SLC7A1: variants seen among roughly 807,000 people sequenced by gnomAD.
The protein encoded by SLC7A1 is high affinity cationic amino acid transporter 1.
In SLC7A1, 10 loss-of-function variants were observed where a neutral mutation model predicts 53.9. The ratio of observed to expected loss-of-function variants is 0.19; its 90% CI spans 0.11 to 0.31. The LOEUF (loss-of-function observed/expected upper bound fraction) is 0.31. Ranked by LOEUF, SLC7A1 falls within the 10% of genes least tolerant of loss-of-function variation. The pLI is 1.00. For synonymous variants in SLC7A1, 342 were observed against 338.7 expected (o/e 1.01, Z -0.11); for missense variants, 525 against 827.2 (o/e 0.63, Z 4.48).
chr13:29,546,577 T>G (rs1162101235), intron 2 of SLC7A1, among the ~76,000 whole-genome samples: 1 of 152,158 alleles, frequency 6.6e-6, no homozygotes, highest in African/African-American at 2.4e-5. Context: ...TCCCACTCAC[T>G]CATTTATTCA....
intron 9 of SLC7A1, among the ~76,000 whole-genome samples, chr13:29,518,545 C>A (rs1868465888): frequency 6.6e-6 from 1 of 152,166 alleles, no homozygotes; most frequent in East Asian, 1.9e-4. Flanking sequence ...CTTGTGCAAC[C>A]CCACTCGGTC....
chr13:29,526,440 C>T (rs1868896367), intron 5 of SLC7A1, among the ~76,000 whole-genome samples: 1 of 152,130 alleles, frequency 6.6e-6, no homozygotes, highest in South Asian at 2.1e-4. Context: ...CCACTGCACC[C>T]CAGCCTGCGC....
intron 5 of SLC7A1, among the ~76,000 whole-genome samples, chr13:29,525,293 TC>T (rs1397631867): frequency 6.6e-6 from 1 of 152,218 alleles, no homozygotes; most frequent in Non-Finnish European, 1.5e-5. Context: ...CCGCAGGCTT[TC>T]TGTCCTGTGC....
intron 12 of SLC7A1, 64 bp from the exon 13 acceptor site, chr13:29,514,647 C>CA: frequency 7.7e-7 from 1 of 1,301,194 alleles, no homozygotes; most frequent in Non-Finnish European, 1.1e-6. Flanking sequence ...AGGCAGGGCT[C>CA]AGAGCCCAGG....
intron 2 of SLC7A1, among the ~76,000 whole-genome samples, chr13:29,552,742 C>T (rs1475854633): frequency 2.6e-5 from 4 of 152,152 alleles, no homozygotes; most frequent in Non-Finnish European, 5.9e-5. Flanking sequence ...AGAAATAATG[C>T]TTATCACTGG....
chr13:29,529,237 G>A lies in SLC7A1; in HGVS notation c.704+1301C>T, dbSNP rs183399432. 5.3e-5 allele frequency among the ~76,000 whole-genome samples: 8 copies of A among 152,292 alleles called. No homozygotes were observed. The East Asian group carries it at 1.4e-3, about 26-fold the overall frequency. On this transcript the variant is annotated intron_variant, in intron 5 of 12. Coordinates refer to ENST00000380752, the MANE Select transcript of SLC7A1 (RefSeq NM_003045.5). Reference sequence around the variant, plus strand: ...AAAATATTAGTGTTAGTGAAGTTTCGTGCACCGAATGCCATAGTTTCCTGT... The same window carrying A: ...AAAATATTAGTGTTAGTGAAGTTTCATGCACCGAATGCCATAGTTTCCTGT...
intron 1 of SLC7A1, among the ~76,000 whole-genome samples, chr13:29,583,982 G>A (rs1020359333): frequency 1.4e-4 from 21 of 152,264 alleles, no homozygotes; most frequent in African/African-American, 5.1e-4. Flanking sequence ...GATTTGTGGG[G>A]GAAGTGTGGT....
intron 1 of SLC7A1, among the ~76,000 whole-genome samples, chr13:29,570,477 C>T (rs1049959364): frequency 2.0e-5 from 3 of 152,208 alleles, no homozygotes; most frequent in African/African-American, 7.2e-5. Flanking sequence ...GCCCCCCTAC[C>T]TCCATCTTGT....
At chr13:29,578,559 G>T (rs571331355) in intron 1 of SLC7A1, among the ~76,000 whole-genome samples, 1 of 152,192 alleles carries the variant, frequency 6.6e-6, no homozygotes, top group Non-Finnish European at 1.5e-5. Context: ...TCTGCCCAGA[G>T]CCCAGCCGTG....
chr13:29,556,195 C>T (rs1293153644), intron 1 of SLC7A1, among the ~76,000 whole-genome samples: 1 of 152,046 alleles, frequency 6.6e-6, no homozygotes, highest in East Asian at 1.9e-4. Context: ...AATCCAGCTG[C>T]CATAAGCTAA....
chr13:29,570,083 G>A (rs1460584088), intron 1 of SLC7A1, among the ~76,000 whole-genome samples: 2 of 152,198 alleles, frequency 1.3e-5, no homozygotes, highest in Non-Finnish European at 2.9e-5. Flanking sequence ...TGGGCCAGCA[G>A]GTGAAATTAC....
chr13:29,518,961 G>T (rs1010309381), intron 9 of SLC7A1, among the ~76,000 whole-genome samples: 3 of 152,212 alleles, frequency 2.0e-5, no homozygotes. Context: ...CAGTGTCTCT[G>T]AACATCAACC....
intron 2 of SLC7A1, among the ~76,000 whole-genome samples, chr13:29,551,695 A>G (rs1225196160): frequency 6.6e-6 from 1 of 152,188 alleles, no homozygotes; most frequent in African/African-American, 2.4e-5. Flanking sequence ...AGAATGCAGA[A>G]TGAACTCACT....
At chr13:29,536,728 G>C (rs928341241) in intron 2 of SLC7A1, among the ~76,000 whole-genome samples, 4 of 152,172 alleles carry the variant, frequency 2.6e-5, no homozygotes, top group African/African-American at 9.7e-5. Context: ...CTGAGGGTAA[G>C]GAGCAAGTTG....
intron 3 of SLC7A1, among the ~76,000 whole-genome samples, chr13:29,534,385 G>A (rs181532315): frequency 1.0e-3 from 154 of 152,232 alleles, no homozygotes; most frequent in Non-Finnish European, 8.7e-4. Context: ...GAAACATAAC[G>A]GTCCATTTAC....
chr13:29,546,227 C>T (rs1019937685), intron 2 of SLC7A1, among the ~76,000 whole-genome samples: 12 of 152,168 alleles, frequency 7.9e-5, no homozygotes, highest in African/African-American at 2.9e-4. Context: ...GGAGCTTCCA[C>T]GAAACAGGCT....
At chr13:29,542,149 C>G (rs991328568) in intron 2 of SLC7A1, among the ~76,000 whole-genome samples, 2 of 152,154 alleles carry the variant, frequency 1.3e-5, no homozygotes, top group African/African-American at 4.8e-5. Flanking sequence ...CTGTGCAAAG[C>G]GTCACTAAAG....
intron 9 of SLC7A1, 54 bp from the exon 10 acceptor site, chr13:29,517,844 G>A (rs1420118929): frequency 2.8e-6 from 4 of 1,432,082 alleles, no homozygotes; most frequent in Non-Finnish European, 3.9e-6. Flanking sequence ...AAAATGACGT[G>A]CACCAACTCA....
intron 12 of SLC7A1, among the ~76,000 whole-genome samples, chr13:29,515,420 A>G (rs574111763): frequency 3.5e-4 from 54 of 152,372 alleles, no homozygotes; most frequent in African/African-American, 1.3e-3. Context: ...AGTGGGCCGC[A>G]AAGTATTTCC....
Sources: allele counts gnomAD v4.1 joint callset (sites outside exome capture counted in the v4.1 genomes callset), GRCh38; gene constraint gnomAD v4.1.1; transcripts MANE v1.5; gene names NCBI Gene and HGNC (gene_info 2026-07-23, HGNC 2026-07-21).